Variants in NCOA6 observed in about 807,000 individuals in gnomAD.
NCOA6 encodes nuclear receptor coactivator 6.
Under a neutral mutation model 171.4 loss-of-function variants are expected in NCOA6, and 49 were observed. The ratio of observed to expected loss-of-function variants is 0.29; its 90% CI spans 0.23 to 0.36. The LOEUF (loss-of-function observed/expected upper bound fraction) is 0.36, where lower values mean the gene tolerates loss of function less well. NCOA6 is among the 10% of genes least tolerant of loss of function. The probability of loss-of-function intolerance (pLI) is 1.00; values close to 1 mark genes in which losing one functional copy is unlikely to be tolerated. For missense variants in NCOA6, 2,248 were observed against 2,554.5 expected, an observed-to-expected ratio of 0.88 and a Z score of 2.59; for synonymous variants, 910 against 927.5, an observed-to-expected ratio of 0.98 and a Z score of 0.34.
At chr20:34,775,731 G>T (rs1017387856) in intron 4 of NCOA6, among the ~76,000 whole-genome samples, 10 of 148,896 alleles carry the variant, frequency 6.7e-5, no homozygotes, top group African/African-American at 2.0e-4. Flanking sequence ...TGCTACAAAA[G>T]GAAAGGACTG....
At chr20:34,759,955 A>C (rs1206146243) in intron 5 of NCOA6, among the ~76,000 whole-genome samples, 1 of 152,118 alleles carries the variant, frequency 6.6e-6, no homozygotes, top group Non-Finnish European at 1.5e-5. Flanking sequence ...GATACTGCTA[A>C]ACTTTTCAGA....
chr20:34,825,248 C>G (rs1354911462), intron 1 of NCOA6, among the ~76,000 whole-genome samples: 1 of 151,558 alleles, frequency 6.6e-6, no homozygotes, highest in Middle Eastern at 3.4e-3. Flanking sequence ...AGCGCCCCCG[C>G]CCGCAGGCCT....
rs540788698 is a variant in NCOA6, at chr20:34,731,059, G to A, written c.5999+1500C>T. Reference sequence around the variant, plus strand: ...CTTTTAGACAGAATTTCACTCTGTCGCCCAGGCTGGGGTGCAGTGGCATGA... The same window carrying A: ...CTTTTAGACAGAATTTCACTCTGTCACCCAGGCTGGGGTGCAGTGGCATGA... On this transcript the variant is annotated intron_variant, in intron 13 of 14. Coordinates refer to ENST00000359003, the MANE Select transcript of NCOA6 (RefSeq NM_014071.5). Among the ~76,000 whole-genome samples the A allele has an allele frequency of 3.2e-4, 49 of 151,142 alleles. 1 individual carries two copies. Among genetic ancestry groups the A allele is most frequent in the Admixed American group, 1.1e-3 (17 of 15,156 alleles).
intron 1 of NCOA6, among the ~76,000 whole-genome samples, chr20:34,794,479 A>G (rs1027625409): frequency 1.3e-5 from 2 of 152,182 alleles, no homozygotes; most frequent in African/African-American, 4.8e-5. Flanking sequence ...GATTTAAATT[A>G]TAGAACATCC....
intron 14 of NCOA6, among the ~76,000 whole-genome samples, chr20:34,717,438 G>C (rs1439520602): frequency 6.6e-6 from 1 of 152,084 alleles, no homozygotes; most frequent in Admixed American, 6.6e-5. Context: ...CAACAAGATT[G>C]AGACTCCGTC....
chr20:34,810,728 T>G (rs1180668117), intron 1 of NCOA6, among the ~76,000 whole-genome samples: 5 of 152,086 alleles, frequency 3.3e-5, no homozygotes, highest in Admixed American at 3.3e-4. Context: ...GCTAATTTTT[T>G]TGTATTTTTA....
intron 13 of NCOA6, among the ~76,000 whole-genome samples, chr20:34,729,395 TTC>T (rs1990344730): frequency 1.3e-5 from 2 of 152,250 alleles, no homozygotes; most frequent in Admixed American, 1.3e-4. Flanking sequence ...TTCTTTGTAA[TTC>T]TCTGATCTGA....
chr20:34,745,399 G>T (rs1475560427), intron 10 of NCOA6, among the ~76,000 whole-genome samples: 3 of 152,138 alleles, frequency 2.0e-5, no homozygotes, highest in Non-Finnish European at 2.9e-5. Flanking sequence ...TGTGTCTGAG[G>T]CAAGCAGGCA....
At chr20:34,767,072 T>C (rs1477771516) in intron 5 of NCOA6, among the ~76,000 whole-genome samples, 3 of 152,148 alleles carry the variant, frequency 2.0e-5, no homozygotes, top group African/African-American at 7.2e-5. Flanking sequence ...TTTTCCTAAG[T>C]CCTAACAAGA....
At chr20:34,786,733 C>T (rs549332414) in intron 2 of NCOA6, among the ~76,000 whole-genome samples, 1 of 152,124 alleles carries the variant, frequency 6.6e-6, no homozygotes, top group Non-Finnish European at 1.5e-5. Context: ...ATAGGATTCC[C>T]TATTTAATAA....
rs925040088 is a variant in NCOA6 at position 34,740,871 on chromosome 20, G to C, written c.5385C>G (p.Pro1795=). 4.3e-6 allele frequency: 7 copies of C among 1,614,110 alleles called. No individual in the cohort carries two copies. The highest frequency in any genetic ancestry group is 5.1e-6 in the Non-Finnish European group (6 of 1,180,058). Residue 1795 remains proline (P), a synonymous_variant, in exon 11 of 15, where the codon CCC becomes CCG. Transcript: ENST00000359003. ...PSSQSTTMVS[P]LLTNSPGSSG... is the part of the protein sequence containing the mutation. Reference sequence around the variant, plus strand: ...AGGACCCTGGACTATTGGTCAAAAGGGGAGAAACCATTGTGGTTGACTGTG... The same window carrying C: ...AGGACCCTGGACTATTGGTCAAAAGCGGAGAAACCATTGTGGTTGACTGTG...
intron 1 of NCOA6, among the ~76,000 whole-genome samples, chr20:34,809,108 G>T (rs1347740262): frequency 6.6e-6 from 1 of 152,132 alleles, no homozygotes; most frequent in African/African-American, 2.4e-5. Flanking sequence ...ATTTATCCAT[G>T]CCTCCATTCG....
At chr20:34,792,381 CAGAAAAA>C (rs2077915285) in intron 2 of NCOA6, 62 bp downstream of exon 2, 1 of 374,800 alleles carries the variant, frequency 2.7e-6, no homozygotes, top group Non-Finnish European at 4.6e-6. Flanking sequence ...GAGACAGTAT[CAGAAAAA>C]AAAAAAAAAG....
chr20:34,772,090 C>T (rs2077167423), intron 4 of NCOA6, among the ~76,000 whole-genome samples: 1 of 152,036 alleles, frequency 6.6e-6, no homozygotes, highest in Non-Finnish European at 1.5e-5. Context: ...CTTTGGGAGG[C>T]CAAGGTGGGA....
chr20:34,802,534 G>C (rs1254529002), intron 1 of NCOA6, among the ~76,000 whole-genome samples: 2 of 152,080 alleles, frequency 1.3e-5, no homozygotes, highest in East Asian at 3.9e-4. Flanking sequence ...CAGGGAGTCG[G>C]AAGTTGCAGT....
chr20:34,732,522 T>C (rs375119011), intron 13 of NCOA6, 37 bp downstream of exon 13: 3 of 1,602,620 alleles, frequency 1.9e-6, no homozygotes, highest in African/African-American at 2.7e-5. Context: ...AGGCTTATGC[T>C]GTGTTCATGC....
chr20:34,815,117 C>A (rs371759298), intron 1 of NCOA6, among the ~76,000 whole-genome samples: 3 of 151,956 alleles, frequency 2.0e-5, no homozygotes, highest in African/African-American at 7.3e-5. Context: ...CAGTGGCACA[C>A]GCCTGTAATC....
At chr20:34,720,991 T>C (rs978160365) in intron 14 of NCOA6, among the ~76,000 whole-genome samples, 9 of 152,180 alleles carry the variant, frequency 5.9e-5, no homozygotes, top group African/African-American at 2.2e-4. Context: ...AAGGTAACTG[T>C]GATACTACAA....
Position 34,727,363 on chromosome 20 carries a change from C to A in NCOA6, c.6044G>T (p.Arg2015Leu). The A allele has an allele frequency of 6.2e-7, 1 of 1,614,040 alleles. No individual in the cohort carries two copies. Among genetic ancestry groups the A allele is most frequent in the Non-Finnish European group, 8.5e-7 (1 of 1,180,040 alleles). ...EIVEKSKIPG[R>L]RNSRTEEPTV... ...TGGCTCTTCAGTTCGGGAGTTTCTT[C>A]GGCCTGGGATTTTGGACTTTTCAAC... Residue 2015 changes from arginine (R) to leucine (L), a missense_variant, in exon 14 of 15, where the codon CGA (arginine) becomes CTA (leucine). Physicochemically the swap from Arg to Leu is moderately radical, Grantham distance 102. Coordinates refer to ENST00000359003, the MANE Select transcript of NCOA6 (RefSeq NM_014071.5).
Sources: allele counts gnomAD v4.1 joint callset (sites outside exome capture counted in the v4.1 genomes callset), GRCh38; gene constraint gnomAD v4.1.1; transcripts MANE v1.5; gene names NCBI Gene and HGNC (gene_info 2026-07-23, HGNC 2026-07-21).